Variants in MACROD2 observed in about 807,000 individuals in gnomAD.
MACROD2 encodes the protein ADP-ribose glycohydrolase MACROD2.
Under a neutral mutation model 70.4 loss-of-function variants are expected in MACROD2, and 36 were observed. The ratio of observed to expected loss-of-function variants is 0.51; its 90% CI spans 0.39 to 0.68. The LOEUF is 0.68. Among genes scored for constraint, MACROD2 ranks in the 30% least tolerant of loss-of-function variants. MACROD2 has a pLI of 0.00. For synonymous variants in MACROD2, 172 were observed against 178.8 expected (o/e 0.96, Z 0.30); for missense variants, 496 against 538.4 (o/e 0.92, Z 0.78).
At chr20:14,893,258 T>C (rs1037100425) in intron 5 of MACROD2, 8 of 152,222 alleles carry the variant, frequency 5.3e-5, no homozygotes, top group African/African-American at 1.4e-4. Flanking sequence ...GTAGTGAACA[T>C]GGATGTGCAG....
intron 2 of MACROD2, among the ~76,000 whole-genome samples, chr20:14,038,915 A>G (rs2053353036): frequency 6.6e-6 from 1 of 152,020 alleles, no homozygotes. Context: ...GCTTCCTTAG[A>G]TTTTTTAACC....
chr20:15,614,670 G>A (rs1220428762), intron 8 of MACROD2, among the ~76,000 whole-genome samples: 1 of 152,162 alleles, frequency 6.6e-6, no homozygotes, highest in African/African-American at 2.4e-5. Flanking sequence ...AAAAAGGATT[G>A]TCATGGGAGT....
intron 8 of MACROD2, among the ~76,000 whole-genome samples, chr20:15,848,715 C>T (rs1487361653): frequency 2.6e-5 from 4 of 152,058 alleles, no homozygotes; most frequent in East Asian, 3.9e-4. Flanking sequence ...CTATTTCTTC[C>T]GCAGAGAGAA....
intron 6 of MACROD2, among the ~76,000 whole-genome samples, chr20:15,361,295 T>A (rs541498160): frequency 2.0e-5 from 3 of 152,348 alleles, no homozygotes; most frequent in Admixed American, 6.5e-5. Context: ...GATAGCCAAC[T>A]GCTATAGCAA....
rs138067376 is a variant in MACROD2 at position 14,964,948 on chromosome 20, T to G, written c.419-264992T>G. The stretch of plus-strand genomic sequence containing the variant: ...TGTGAAACACTTTGAAGGAAAGGTG[T>G]TGTGAAAATTGTGTTTTGTTAAGTA... On this transcript the variant is annotated intron_variant, in intron 5 of 17. Transcript: ENST00000684519. 5.3e-4 allele frequency among the ~76,000 whole-genome samples: 81 copies of G among 152,266 alleles called. 1 individual carries two copies. The East Asian group carries it at 0.012, about 22-fold the overall frequency.
chr20:15,103,592 A>C (rs1345765520), intron 5 of MACROD2, among the ~76,000 whole-genome samples: 1 of 152,182 alleles, frequency 6.6e-6, no homozygotes, highest in Non-Finnish European at 1.5e-5. Flanking sequence ...TATCTGCCTT[A>C]GGGATACAGA....
chr20:15,299,378 A>G (rs528466935), intron 6 of MACROD2, among the ~76,000 whole-genome samples: 1 of 152,334 alleles, frequency 6.6e-6, no homozygotes, highest in South Asian at 2.1e-4. Context: ...ACAAATCTTC[A>G]TTAAATCTTA....
intron 5 of MACROD2, among the ~76,000 whole-genome samples, chr20:14,951,293 G>A (rs2074474017): frequency 6.6e-6 from 1 of 152,012 alleles, no homozygotes; most frequent in South Asian, 2.1e-4. Flanking sequence ...GTATCAAGTA[G>A]GTAACTGGCC....
chr20:15,254,940 T>A (rs1041569327), intron 6 of MACROD2, among the ~76,000 whole-genome samples: 6 of 147,748 alleles, frequency 4.1e-5, no homozygotes, highest in Non-Finnish European at 7.5e-5. Flanking sequence ...TTTTTTTTTT[T>A]TTTTTTTTTT....
intron 5 of MACROD2, among the ~76,000 whole-genome samples, chr20:15,048,477 GA>G (rs1288381655): frequency 6.6e-6 from 1 of 150,448 alleles, no homozygotes; most frequent in Non-Finnish European, 1.5e-5. Flanking sequence ...AAAAAAAAAT[GA>G]GTATAGTATC....
intron 3 of MACROD2, among the ~76,000 whole-genome samples, chr20:14,236,371 A>G (rs2081870855): frequency 6.6e-6 from 1 of 152,108 alleles, no homozygotes; most frequent in Non-Finnish European, 1.5e-5. Context: ...AAACGCTTTC[A>G]TGATCTTTGC....
intron 6 of MACROD2, among the ~76,000 whole-genome samples, chr20:15,250,674 G>A (rs2077147650): frequency 6.6e-6 from 1 of 152,024 alleles, no homozygotes; most frequent in African/African-American, 2.4e-5. Flanking sequence ...GTGTTTAGGG[G>A]GATCTTCCTT....
At chr20:14,410,892 T>C (rs1179043740) in intron 3 of MACROD2, among the ~76,000 whole-genome samples, 1 of 152,174 alleles carries the variant, frequency 6.6e-6, no homozygotes, top group Non-Finnish European at 1.5e-5. Flanking sequence ...TGTCTTCTTC[T>C]GGTAGAGACC....
At chr20:15,078,549 A>T (rs113690295) in intron 5 of MACROD2, among the ~76,000 whole-genome samples, 12 of 152,156 alleles carry the variant, frequency 7.9e-5, no homozygotes, top group African/African-American at 2.9e-4. Context: ...GTGATATTTG[A>T]GAGAGATATA....
intron 4 of MACROD2, among the ~76,000 whole-genome samples, chr20:14,602,202 A>G (rs568621455): frequency 1.3e-5 from 2 of 152,306 alleles, no homozygotes; most frequent in East Asian, 1.9e-4. Flanking sequence ...GCCCCTCACA[A>G]TGAAGTACCA....
chr20:14,476,636 C>A lies in MACROD2; in HGVS notation c.272-16843C>A, dbSNP rs559533276. On this transcript the variant is annotated intron_variant, in intron 3 of 17. Coordinates refer to ENST00000684519, the MANE Select transcript of MACROD2 (RefSeq NM_001351661.2). ...CCTCCCAAAGTGTTGGGATTACAGG[C>A]GTGAGCCACCATGCCCGGCGTATTA... 1.2e-3 allele frequency among the ~76,000 whole-genome samples: 187 copies of A among 152,278 alleles called. 2 individuals carry two copies. The highest frequency in any genetic ancestry group is 4.2e-3 in the Admixed American group (64 of 15,304).
intron 8 of MACROD2, among the ~76,000 whole-genome samples, chr20:15,730,428 GA>G (rs767207966): frequency 1.4e-4 from 22 of 152,240 alleles, no homozygotes; most frequent in Admixed American, 4.6e-4. Context: ...TGTCTGAAAA[GA>G]ATCTTACTTC....
At chr20:15,395,912 T>C (rs1263095792) in intron 6 of MACROD2, among the ~76,000 whole-genome samples, 1 of 152,178 alleles carries the variant, frequency 6.6e-6, no homozygotes, top group Non-Finnish European at 1.5e-5. Context: ...AATGCCATGG[T>C]ATTACATAAA....
At chr20:15,698,935 C>CT (rs2098370738) in intron 8 of MACROD2, among the ~76,000 whole-genome samples, 2 of 152,106 alleles carry the variant, frequency 1.3e-5, no homozygotes, top group Admixed American at 1.3e-4. Context: ...TTTTTTATTG[C>CT]TTTTTCTTTA....
Sources: allele counts gnomAD v4.1 joint callset (sites outside exome capture counted in the v4.1 genomes callset), GRCh38; gene constraint gnomAD v4.1.1; transcripts MANE v1.5; gene names NCBI Gene and HGNC (gene_info 2026-07-23, HGNC 2026-07-21).